Variants in ERICH1 observed in about 807,000 individuals in gnomAD.
ERICH1 encodes glutamate rich 1.
Under a neutral mutation model 39.6 loss-of-function variants are expected in ERICH1, and 56 were observed. That is an observed-to-expected ratio of 1.41 (90% CI 1.14 to 1.77). The LOEUF is 1.77. Among genes scored for constraint, ERICH1 ranks in the 40% most tolerant of loss-of-function variants. ERICH1 has a pLI of 0.00. For synonymous variants in ERICH1, 313 were observed against 223.6 expected, an observed-to-expected ratio of 1.40 and a Z score of -3.57; for missense variants, 826 against 575.4, an observed-to-expected ratio of 1.44 and a Z score of -4.45.
chr8:668,812 C>T lies in ERICH1; in HGVS notation c.1064-20G>A, dbSNP rs142624349. 6.3e-4 allele frequency: 985 copies of T among 1,568,820 alleles called. 7 individuals are homozygous for T. The African/African-American group carries it at 0.012, about 19-fold the overall frequency. ...AGACACCTACATAAAGTCAGTTTTG[C>T]TTGGAAATACAGTTTTGTTTTTATT... On this transcript the variant is annotated intron_variant, in intron 4 of 5. Coordinates refer to ENST00000262109, the MANE Select transcript of ERICH1 (RefSeq NM_207332.3).
At chr8:677,083 T>C (rs913380641) in intron 3 of ERICH1, among the ~76,000 whole-genome samples, 2 of 152,238 alleles carry the variant, frequency 1.3e-5, no homozygotes, top group African/African-American at 4.8e-5. Flanking sequence ...GCCCAGGGCC[T>C]GCCCGCATGC....
intron 3 of ERICH1, among the ~76,000 whole-genome samples, chr8:641,828 A>G (rs1799022025): frequency 6.6e-6 from 1 of 151,780 alleles, no homozygotes; most frequent in African/African-American, 2.4e-5. Flanking sequence ...ATCAGAATCA[A>G]CGCCCCGGCT....
intron 2 of ERICH1, among the ~76,000 whole-genome samples, chr8:713,706 T>C (rs1815285408): frequency 6.6e-6 from 1 of 152,050 alleles, no homozygotes; most frequent in African/African-American, 2.4e-5. Context: ...GGAAGGTGAT[T>C]TGTGGGATGA....
rs963550778 is a variant in ERICH1, at chr8:729,986, A to C, written c.22+1154T>G. On this transcript the variant is annotated intron_variant, in intron 1 of 5. Coordinates refer to ENST00000262109, the MANE Select transcript of ERICH1 (RefSeq NM_207332.3). ...CTGCAGTAGCAAGAAGCCCCCCACC[A>C]AGAAGGCAGGCACAGCTTTGCAGGC... Among the ~76,000 whole-genome samples, 118 of 152,124 alleles carry C rather than the reference A, an allele frequency of 7.8e-4. 1 individual carries two copies. Among genetic ancestry groups the C allele is most frequent in the Non-Finnish European group, 5.9e-5 (4 of 68,008 alleles).
intron 5 of ERICH1, among the ~76,000 whole-genome samples, chr8:665,331 G>A (rs1043359610): frequency 1.3e-5 from 2 of 152,168 alleles, no homozygotes; most frequent in Non-Finnish European, 2.9e-5. Flanking sequence ...TGGCTCTAAC[G>A]TCTGTGCTCA....
intron 3 of ERICH1, among the ~76,000 whole-genome samples, chr8:649,495 A>G (rs899578283): frequency 6.6e-6 from 1 of 151,882 alleles, no homozygotes; most frequent in Non-Finnish European, 1.5e-5. Context: ...TATCCTGTGC[A>G]TTGTGGAAAT....
In ERICH1 at chr8:673,833, C is replaced by T; in HGVS notation, c.519G>A (p.Arg173=). 6.2e-7 allele frequency: 1 copy of T among 1,614,122 alleles called. No individual in the cohort carries two copies. The highest frequency in any genetic ancestry group is 1.1e-5 in the South Asian group (1 of 91,086). ...TTGCTGCCAAGCCGGCTGCTTTCTT[C>T]CTTTTAATTTGCTGTTTCTTTTTCA... ...RKLKKKQQIK[R]KKAAGLAAKA... The change falls in exon 4 of 6, where the codon AGG becomes AGA. Residue 173 remains arginine (R), a synonymous_variant. Coordinates refer to ENST00000262109, the MANE Select transcript of ERICH1 (RefSeq NM_207332.3).
chr8:663,920 C>T (rs1201386955), downstream of ERICH1, among the ~76,000 whole-genome samples: 1 of 152,072 alleles, frequency 6.6e-6, no homozygotes, highest in East Asian at 1.9e-4. Context: ...CCACCACGCC[C>T]GGCTAATTTT....
At chr8:682,766 T>C (rs1268620703) in intron 3 of ERICH1, among the ~76,000 whole-genome samples, 1 of 152,198 alleles carries the variant, frequency 6.6e-6, no homozygotes, top group Non-Finnish European at 1.5e-5. Flanking sequence ...ATAACAAAAA[T>C]AACCAGTCTT....
intron 3 of ERICH1, among the ~76,000 whole-genome samples, chr8:620,242 G>T (rs1445350024): frequency 6.6e-6 from 1 of 152,180 alleles, no homozygotes; most frequent in Non-Finnish European, 1.5e-5. Flanking sequence ...AATCCAGGAG[G>T]CGGAGGTTGT....
At chr8:628,229 G>A (rs1456340731) in intron 3 of ERICH1, among the ~76,000 whole-genome samples, 1 of 152,324 alleles carries the variant, frequency 6.6e-6, no homozygotes, top group Middle Eastern at 3.4e-3. Flanking sequence ...GCTAGCCAGG[G>A]CCCCAGGCAG....
intron 3 of ERICH1, among the ~76,000 whole-genome samples, chr8:685,992 CAAAAAAA>C (rs33933491): frequency 7.8e-6 from 1 of 128,476 alleles, no homozygotes; most frequent in Admixed American, 7.9e-5. Flanking sequence ...TAAAAAATAC[CAAAAAAA>C]AAAAAAAAAA....
Position 717,143 on chromosome 8 carries a change from T to A in ERICH1, c.23-1136A>T, listed in dbSNP as rs114380576. 4.1e-3 allele frequency among the ~76,000 whole-genome samples: 630 copies of A among 152,026 alleles called. 6 individuals carry two copies. The highest frequency in any genetic ancestry group is 0.014 in the African/African-American group (595 of 41,472). The stretch of plus-strand genomic sequence containing the variant: ...CTCCACCTCCGCGGCTCCCAGAGAG[T>A]GAGCACAAAGCCTGCTTTTGCTGGG... On this transcript the variant is annotated intron_variant, in intron 1 of 5. Coordinates refer to ENST00000262109, the MANE Select transcript of ERICH1 (RefSeq NM_207332.3).
chr8:729,247 C>G (rs1338364563), intron 1 of ERICH1, among the ~76,000 whole-genome samples: 1 of 152,212 alleles, frequency 6.6e-6, no homozygotes, highest in South Asian at 2.1e-4. Flanking sequence ...CCAGGAGAGG[C>G]ACACCTGCGT....
At chr8:631,200 G>A (rs771738908) in intron 3 of ERICH1, among the ~76,000 whole-genome samples, 6 of 152,256 alleles carry the variant, frequency 3.9e-5, no homozygotes, top group Non-Finnish European at 5.9e-5. Context: ...GAGGAGAACA[G>A]GGGTGCCTGC....
chr8:683,014 T>G (rs896274945), intron 3 of ERICH1, among the ~76,000 whole-genome samples: 2 of 152,208 alleles, frequency 1.3e-5, no homozygotes, highest in Non-Finnish European at 2.9e-5. Context: ...AAGCTTCCAG[T>G]TGCTGAGTGT....
At chr8:678,018 A>G (rs1490394492) in intron 3 of ERICH1, among the ~76,000 whole-genome samples, 1 of 152,206 alleles carries the variant, frequency 6.6e-6, no homozygotes, top group Non-Finnish European at 1.5e-5. Context: ...CTATTGATCT[A>G]TTTTTATAAG....
intron 3 of ERICH1, among the ~76,000 whole-genome samples, chr8:677,215 A>C (rs1402620245): frequency 1.3e-5 from 2 of 152,216 alleles, no homozygotes; most frequent in Non-Finnish European, 2.9e-5. Context: ...CTCACCCTGA[A>C]AATACAGGAA....
chr8:669,062 C>T (rs192584237), intron 4 of ERICH1: 7,040 of 450,464 alleles, frequency 0.016, 76 homozygotes, highest in Middle Eastern at 0.025. Context: ...TGGTGAGACG[C>T]CTCCCCTGGC....
Sources: allele counts gnomAD v4.1 joint callset (sites outside exome capture counted in the v4.1 genomes callset), GRCh38; gene constraint gnomAD v4.1.1; transcripts MANE v1.5; gene names NCBI Gene and HGNC (gene_info 2026-07-23, HGNC 2026-07-21).